The following PELI2 variants were observed in gnomAD, a reference collection of about 807,000 sequenced individuals.
PELI2 encodes pellino E3 ubiquitin protein ligase family member 2, also known as E3 ubiquitin-protein ligase pellino homolog 2.
PELI2 carries 23 observed loss-of-function variants against 42.3 expected under a neutral mutation model. The observed-to-expected ratio is 0.54, with a 90% confidence interval of 0.39 to 0.77. The LOEUF (loss-of-function observed/expected upper bound fraction) is 0.77. Ranked by LOEUF, PELI2 falls within the 30% of genes least tolerant of loss-of-function variation. PELI2 has a pLI of 0.00. For synonymous variants in PELI2, 245 were observed against 212.2 expected (o/e 1.15, Z -1.34); for missense variants, 463 against 553.2 (o/e 0.84, Z 1.64).
chr14:56,198,256 T>C (rs1209464548), intron 2 of PELI2, among the ~76,000 whole-genome samples: 1 of 151,904 alleles, frequency 6.6e-6, no homozygotes, highest in Non-Finnish European at 1.5e-5. Context: ...CAGTGAGATA[T>C]GAGGGGAAGA....
At chr14:56,265,285 G>A (rs1888858565) in intron 2 of PELI2, among the ~76,000 whole-genome samples, 1 of 152,104 alleles carries the variant, frequency 6.6e-6, no homozygotes, top group Non-Finnish European at 1.5e-5. Context: ...TGTAAAGATA[G>A]ATAAATAGAT....
At chr14:56,241,970 G>A (rs1260503808) in intron 2 of PELI2, among the ~76,000 whole-genome samples, 2 of 152,286 alleles carry the variant, frequency 1.3e-5, no homozygotes, top group East Asian at 1.9e-4. Context: ...TGAAGGAAAC[G>A]AGATCCAGCA....
chr14:56,154,306 C>T (rs952783959), intron 1 of PELI2, among the ~76,000 whole-genome samples: 2 of 152,144 alleles, frequency 1.3e-5, no homozygotes, highest in Admixed American at 1.3e-4. Flanking sequence ...GTTATTTGAA[C>T]ATTGATGTGG....
intron 2 of PELI2, among the ~76,000 whole-genome samples, chr14:56,235,099 CAA>C (rs2139780172): frequency 1.3e-5 from 2 of 152,222 alleles, no homozygotes; most frequent in South Asian, 4.2e-4. Context: ...ATCTCTACTT[CAA>C]AGTTTAGTAT....
intron 2 of PELI2, among the ~76,000 whole-genome samples, chr14:56,265,951 G>A (rs1462097633): frequency 1.3e-5 from 2 of 151,932 alleles, no homozygotes; most frequent in African/African-American, 4.8e-5. Flanking sequence ...TCCAAAAGTT[G>A]GCAGGATTGG....
chr14:56,168,053 C>T (rs923415042), intron 1 of PELI2, among the ~76,000 whole-genome samples: 11 of 152,238 alleles, frequency 7.2e-5, no homozygotes, highest in Middle Eastern at 3.2e-3. Context: ...AGCCACCTAA[C>T]GCTGGGGGTG....
intron 2 of PELI2, among the ~76,000 whole-genome samples, chr14:56,179,423 T>C (rs746402051): frequency 7.9e-5 from 12 of 152,194 alleles, no homozygotes; most frequent in Non-Finnish European, 1.8e-4. Context: ...TTAATGTTTT[T>C]ATTTTTAAAA....
At chr14:56,128,576 G>A (rs1399942119) in intron 1 of PELI2, among the ~76,000 whole-genome samples, 1 of 152,136 alleles carries the variant, frequency 6.6e-6, no homozygotes, top group African/African-American at 2.4e-5. Context: ...TTGGCCTTTA[G>A]CAGAGCCTTG....
At chr14:56,260,348 C>T (rs1888669773) in intron 2 of PELI2, among the ~76,000 whole-genome samples, 1 of 152,232 alleles carries the variant, frequency 6.6e-6, no homozygotes, top group East Asian at 1.9e-4. Flanking sequence ...ATAGATAAAT[C>T]TCAAAGGGTT....
Position 56,273,141 on chromosome 14 carries a change from C to T in PELI2, c.208-6535C>T, listed in dbSNP as rs1208923362. Among the ~76,000 whole-genome samples the T allele has an allele frequency of 2.6e-5, 4 of 152,174 alleles. No individual in the cohort carries two copies. Among genetic ancestry groups the T allele is most frequent in the African/African-American group, 9.7e-5 (4 of 41,432 alleles). On this transcript the variant is annotated intron_variant, in intron 2 of 5. Transcript: ENST00000267460. This position sits in a 1 kb window ranked among gnomAD's most constrained non-coding sequence, Gnocchi z 4.3. ...CTGGGGCAGCTGGAGCTGGAGGATC[C>T]ACTCTCACAGAGGCTTCTCCATGCA...
intron 2 of PELI2, among the ~76,000 whole-genome samples, chr14:56,277,297 C>G (rs1031244620): frequency 6.6e-6 from 1 of 152,066 alleles, no homozygotes; most frequent in Non-Finnish European, 1.5e-5. Context: ...CCTGTCAGAT[C>G]AGCGGTGGCA....
chr14:56,158,554 C>T (rs917144375), intron 1 of PELI2, among the ~76,000 whole-genome samples: 2 of 151,546 alleles, frequency 1.3e-5, no homozygotes, highest in Admixed American at 1.3e-4. Context: ...GGGGTTTCAC[C>T]ATGTTGCCTA....
In PELI2 at chr14:56,160,566, G is replaced by A. The variant is rs538826247; in HGVS notation, c.78-17769G>A. Among the ~76,000 whole-genome samples the A allele has an allele frequency of 1.4e-3, 214 of 152,202 alleles. 1 individual carries two copies. The highest frequency in any genetic ancestry group is 5.0e-3 in the African/African-American group (206 of 41,520). ...GAAGCATTTTGGCATGGGGAAGCTG[G>A]AAAACTTCAAGATAAGAAAAAGGTT... On this transcript the variant is annotated intron_variant, in intron 1 of 5. Transcript: ENST00000267460.
chr14:56,251,118 G>T (rs1888328524), intron 2 of PELI2, among the ~76,000 whole-genome samples: 3 of 152,190 alleles, frequency 2.0e-5, no homozygotes, highest in African/African-American at 7.2e-5. Context: ...TGGACTAAGT[G>T]GGCCAAAGAA....
chr14:56,264,061 G>GGTCCTTTTGCA (rs1481473598), intron 2 of PELI2, among the ~76,000 whole-genome samples: 1 of 152,040 alleles, frequency 6.6e-6, no homozygotes, highest in East Asian at 1.9e-4. Flanking sequence ...TAATACTCAG[G>GGTCCTTTTGCA]GTCCTTTTGC....
intron 2 of PELI2, among the ~76,000 whole-genome samples, chr14:56,235,609 A>G (rs887078295): frequency 6.6e-6 from 1 of 152,258 alleles, no homozygotes; most frequent in Non-Finnish European, 1.5e-5. Context: ...TGCCAGAGTC[A>G]TGCAGTCCAA....
chr14:56,118,690 C>A lies in PELI2; in HGVS notation c.30C>A (p.Cys10Ter). The change falls in exon 1 of 6, where the codon TGC becomes TGA. Residue 10 changes from cysteine to a stop codon, truncating the protein, a stop_gained. Transcript: ENST00000267460. LOFTEE classifies it high-confidence loss of function. MFSPGQEEHCAPNKEPVKYG... is the reference protein window; with the variant it reads MFSPGQEEH The stretch of plus-strand genomic sequence containing the variant: ...TTTCCCCTGGCCAGGAGGAACACTG[C>A]GCCCCCAATAAGGAGCCAGTGAAAT... 6.6e-7 allele frequency: 1 copy of A among 1,517,794 alleles called. No individual in the cohort carries two copies. The highest frequency in any genetic ancestry group is 8.8e-7 in the Non-Finnish European group (1 of 1,132,368). 94.0% of individuals were successfully genotyped at this position (1,517,794 alleles called of 1,614,324 possible).
chr14:56,129,712 G>T (rs1031924599), intron 1 of PELI2, among the ~76,000 whole-genome samples: 3 of 152,212 alleles, frequency 2.0e-5, no homozygotes, highest in Admixed American at 1.3e-4. Flanking sequence ...GTTGTTTCAA[G>T]CAGGGATGGA....
chr14:56,296,986 G>T lies in PELI2; in HGVS notation c.1083G>T (p.Pro361=), dbSNP rs35120033. 1.2e-3 allele frequency: 2,010 copies of T among 1,614,022 alleles called. 18 individuals are homozygous for T. In the African/African-American group the frequency reaches 0.023, roughly 18 times the overall value. The change falls in exon 6 of 6, where the codon CCG becomes CCT. Residue 361 remains proline (P), a synonymous_variant. Transcript: ENST00000267460. ...CAGGATTTTATGTAGACGCAGGACC[G>T]CCAACTCATGCTTTCACTCCCTGTG... ...CEAGFYVDAG[P]PTHAFTPCGH... is the part of the protein sequence containing the mutation.
Sources: allele counts gnomAD v4.1 joint callset (sites outside exome capture counted in the v4.1 genomes callset), GRCh38; gene constraint gnomAD v4.1.1; non-coding constraint Gnocchi (gnomAD v3.1); transcripts MANE v1.5; gene names NCBI Gene and HGNC (gene_info 2026-07-23, HGNC 2026-07-21).